JPH1: variants seen among roughly 807,000 people sequenced by gnomAD.
JPH1 encodes junctophilin-1.
A neutral mutation model predicts 53.6 loss-of-function variants in JPH1; 12 were observed. The ratio of observed to expected loss-of-function variants is 0.22; its 90% confidence interval spans 0.14 to 0.36. The LOEUF is 0.36. Ranked by LOEUF, JPH1 falls within the 10% of genes least tolerant of loss-of-function variation. The pLI is 1.00. For missense variants in JPH1, 808 were observed against 905.5 expected, an observed-to-expected ratio of 0.89 and a Z score of 1.38; for synonymous variants, 375 against 363.8, an observed-to-expected ratio of 1.03 and a Z score of -0.35.
chr8:74,256,977 A>G (rs1292225050), intron 3 of JPH1, among the ~76,000 whole-genome samples: 1 of 152,216 alleles, frequency 6.6e-6, no homozygotes, highest in Non-Finnish European at 1.5e-5. Flanking sequence ...TGTAAATTAA[A>G]TGGCCAGCCT....
At chr8:74,269,295 A>C (rs1806631111) in intron 2 of JPH1, among the ~76,000 whole-genome samples, 1 of 152,220 alleles carries the variant, frequency 6.6e-6, no homozygotes, top group South Asian at 2.1e-4. Context: ...TCCAAGGTAC[A>C]CATTTTGAAG....
chr8:74,258,271 A>G (rs1028761715), intron 3 of JPH1, among the ~76,000 whole-genome samples: 18 of 152,298 alleles, frequency 1.2e-4, no homozygotes, highest in East Asian at 5.8e-4. Flanking sequence ...AATTGAAAAC[A>G]TTTATTTTGG....
In JPH1 at chr8:74,273,698, T is replaced by C. The variant is rs574985209; in HGVS notation, c.1140-14195A>G. 5.3e-5 allele frequency among the ~76,000 whole-genome samples: 8 copies of C among 152,372 alleles called. No individual in the cohort carries two copies. The South Asian group carries it at 1.7e-3, about 32-fold the overall frequency. Reference sequence around the variant, plus strand: ...CTGGAAAACCTAATTGGAATGGTACTGTCCTTGCCTCTTGGTAAGAAATCA... The same window carrying C: ...CTGGAAAACCTAATTGGAATGGTACCGTCCTTGCCTCTTGGTAAGAAATCA... On this transcript the variant is annotated intron_variant, in intron 2 of 5. Transcript: ENST00000342232.
At chr8:74,249,400 T>C (rs1450238905) in intron 3 of JPH1, among the ~76,000 whole-genome samples, 2 of 152,212 alleles carry the variant, frequency 1.3e-5, no homozygotes, top group Non-Finnish European at 2.9e-5. Context: ...TTGTGTTCAA[T>C]ATAGAAAGAA....
chr8:74,308,581 C>T (rs1807904180), intron 2 of JPH1, among the ~76,000 whole-genome samples: 1 of 152,342 alleles, frequency 6.6e-6, no homozygotes, highest in East Asian at 1.9e-4. Context: ...GATCTAAGCT[C>T]ACTGCTGGGT....
At chr8:74,281,249 T>TA (rs1292959155) in intron 2 of JPH1, among the ~76,000 whole-genome samples, 1 of 152,244 alleles carries the variant, frequency 6.6e-6, no homozygotes, top group East Asian at 1.9e-4. Context: ...AAGCTACAGA[T>TA]AAAACTAATA....
chr8:74,258,138 C>T (rs1806292001), intron 3 of JPH1, among the ~76,000 whole-genome samples: 1 of 152,190 alleles, frequency 6.6e-6, no homozygotes, highest in Non-Finnish European at 1.5e-5. Context: ...CAGAGCCAAA[C>T]ATGAATCGAA....
chr8:74,258,967 G>A (rs1234588729), intron 3 of JPH1, among the ~76,000 whole-genome samples: 4 of 152,252 alleles, frequency 2.6e-5, no homozygotes, highest in African/African-American at 9.6e-5. Flanking sequence ...TGTGGGCACC[G>A]ACACGATGCT....
intron 4 of JPH1, 57 bp downstream of exon 4, chr8:74,244,472 C>T (rs1235107980): frequency 6.5e-7 from 1 of 1,531,446 alleles, no homozygotes; most frequent in Admixed American, 2.0e-5. Flanking sequence ...CCCCACACAG[C>T]TCGCTGAAAG....
intron 2 of JPH1, among the ~76,000 whole-genome samples, chr8:74,303,190 T>C (rs1044075373): frequency 6.6e-6 from 1 of 152,234 alleles, no homozygotes; most frequent in Non-Finnish European, 1.5e-5. Flanking sequence ...TTTCTCTGCA[T>C]GTCCCGTAAG....
At chr8:74,311,215 G>A (rs1807984687) in intron 2 of JPH1, among the ~76,000 whole-genome samples, 1 of 152,224 alleles carries the variant, frequency 6.6e-6, no homozygotes, top group Admixed American at 6.5e-5. Context: ...TGTTGCTAAT[G>A]ATGAACTAGT....
chr8:74,278,986 C>T (rs66824243), intron 2 of JPH1, among the ~76,000 whole-genome samples: 2,249 of 82,210 alleles, frequency 0.027, 64 homozygotes, highest in African/African-American at 0.075. Context: ...CACGCACACG[C>T]GCGCACACAC....
chr8:74,267,741 T>C (rs545053878), intron 2 of JPH1, among the ~76,000 whole-genome samples: 2 of 152,194 alleles, frequency 1.3e-5, no homozygotes, highest in Admixed American at 1.3e-4. Flanking sequence ...AAGGATTAGC[T>C]GGGTCAAGGA....
intron 2 of JPH1, among the ~76,000 whole-genome samples, chr8:74,296,443 A>C (rs975245478): frequency 6.6e-6 from 1 of 152,214 alleles, no homozygotes; most frequent in Admixed American, 6.5e-5. Context: ...TAGCAACTCT[A>C]TCTGGCTTTA....
chr8:74,243,790 G>T (rs1336603015), intron 4 of JPH1, among the ~76,000 whole-genome samples: 1 of 152,102 alleles, frequency 6.6e-6, no homozygotes, highest in Non-Finnish European at 1.5e-5. Flanking sequence ...TTTAAAGAAG[G>T]TATAAAGATT....
chr8:74,285,856 T>C (rs1163973323), intron 2 of JPH1, among the ~76,000 whole-genome samples: 1 of 152,242 alleles, frequency 6.6e-6, no homozygotes, highest in East Asian at 1.9e-4. Context: ...TTTCTATATA[T>C]GTAAATAACA....
intron 2 of JPH1, among the ~76,000 whole-genome samples, chr8:74,291,626 G>A (rs1466674177): frequency 1.3e-5 from 2 of 152,122 alleles, no homozygotes; most frequent in Admixed American, 6.5e-5. Flanking sequence ...CCCATTACTG[G>A]GTATATACCC....
intron 2 of JPH1, among the ~76,000 whole-genome samples, chr8:74,286,398 A>C (rs1223097787): frequency 6.6e-6 from 1 of 152,224 alleles, no homozygotes; most frequent in African/African-American, 2.4e-5. Flanking sequence ...ACTACTTTAA[A>C]CATTGATCAT....
At chr8:74,237,867 T>C (rs527735753) in intron 4 of JPH1, among the ~76,000 whole-genome samples, 80 of 152,332 alleles carry the variant, frequency 5.3e-4, no homozygotes, top group South Asian at 4.8e-3. Context: ...CTTTCAGAAG[T>C]TATCTTACAG....
Sources: allele counts gnomAD v4.1 joint callset (sites outside exome capture counted in the v4.1 genomes callset), GRCh38; gene constraint gnomAD v4.1.1; transcripts MANE v1.5; gene names NCBI Gene and HGNC (gene_info 2026-07-23, HGNC 2026-07-21).